NPTN: variants seen among roughly 807,000 people sequenced by gnomAD.
The protein encoded by NPTN is SDR-1.
NPTN carries 5 observed loss-of-function variants against 42.7 expected under a neutral mutation model. That is an observed-to-expected ratio of 0.12 (90% CI 0.06 to 0.25). NPTN has a LOEUF of 0.25. Ranked by LOEUF, NPTN falls within the 10% of genes least tolerant of loss-of-function variation. The pLI is 1.00. For synonymous variants in NPTN, 180 were observed against 201.9 expected, an observed-to-expected ratio of 0.89 and a Z score of 0.92; for missense variants, 307 against 525.4, an observed-to-expected ratio of 0.58 and a Z score of 4.06.
rs1411303076 is a variant in NPTN, at chr15:73,580,471, A to G, written c.707-6676T>C. ...ATATGTATATATACAAAATATATTT[A>G]TATATACATAAATATATATATACAT... On this transcript the variant is annotated intron_variant, in intron 4 of 8. Coordinates refer to ENST00000345330, the MANE Select transcript of NPTN (RefSeq NM_012428.4). Among the ~76,000 whole-genome samples the G allele has an allele frequency of 1.1e-4, 14 of 131,256 alleles. No homozygotes were observed. The Admixed American group carries it at 1.1e-3, about 10-fold the overall frequency. The allele number at this position is 131,256 out of a possible 152,430, so 86.1% of individuals were successfully genotyped here.
At position 73,580,422 on chromosome 15, in the gene NPTN, A is replaced by ATATATAT. The variant is rs1555407984; in HGVS notation, c.707-6634_707-6628dup. ...ATATTATATATATAATATATATATA[A>ATATATAT]TATATATATAATATATATAATATAT... On this transcript the variant is annotated intron_variant, in intron 4 of 8. Coordinates refer to ENST00000345330, the MANE Select transcript of NPTN (RefSeq NM_012428.4). Among the ~76,000 whole-genome samples, 23 of 102,114 alleles carry ATATATAT rather than the reference A, an allele frequency of 2.3e-4. 1 individual carries two copies. The highest frequency in any genetic ancestry group is 6.9e-4 in the Admixed American group (6 of 8,700). The allele number at this position is 102,114 out of a possible 152,430, so 67.0% of individuals were successfully genotyped here.
chr15:73,594,825 G>A (rs1896757535), intron 2 of NPTN, among the ~76,000 whole-genome samples: 1 of 152,050 alleles, frequency 6.6e-6, no homozygotes, highest in Non-Finnish European at 1.5e-5. Context: ...CATACTCAAT[G>A]AGCTTTGGGG....
At chr15:73,575,269 C>T (rs1468003851) in intron 4 of NPTN, among the ~76,000 whole-genome samples, 4 of 152,212 alleles carry the variant, frequency 2.6e-5, no homozygotes, top group Non-Finnish European at 5.9e-5. Context: ...AGGCGTGAGC[C>T]ATCACGCCCG....
At chr15:73,612,345 G>A (rs1302546140) in intron 1 of NPTN, among the ~76,000 whole-genome samples, 1 of 151,026 alleles carries the variant, frequency 6.6e-6, no homozygotes, top group Non-Finnish European at 1.5e-5. Context: ...CCTGGACCCA[G>A]GAGGTCGAAG....
chr15:73,563,178 G>C, intron 7 of NPTN, 58 bp downstream of exon 7: 1 of 1,227,410 alleles, frequency 8.1e-7, no homozygotes, highest in Non-Finnish European at 1.2e-6. Context: ...TGATTAAACT[G>C]CAAACACAAC....
chr15:73,568,618 T>C, intron 6 of NPTN: 1 of 985,418 alleles, frequency 1.0e-6, no homozygotes, highest in South Asian at 4.7e-5. Context: ...TAGGAGTACA[T>C]GAAATCCCAA....
chr15:73,591,926 A>T (rs201245204), intron 3 of NPTN, 40 bp downstream of exon 3: 3 of 1,567,554 alleles, frequency 1.9e-6, no homozygotes, highest in Non-Finnish European at 2.6e-6. Context: ...GCTCAGCCAC[A>T]CTCCCTCCCA....
At chr15:73,609,528 G>A (rs1171391605) in intron 1 of NPTN, among the ~76,000 whole-genome samples, 1 of 152,172 alleles carries the variant, frequency 6.6e-6, no homozygotes, top group Non-Finnish European at 1.5e-5. Context: ...CTACTCGGGT[G>A]GCTGAGGCAG....
chr15:73,594,847 A>G (rs1382967839), intron 2 of NPTN, among the ~76,000 whole-genome samples: 2 of 152,046 alleles, frequency 1.3e-5, no homozygotes, highest in Non-Finnish European at 2.9e-5. Flanking sequence ...AAGTACTACC[A>G]GGAGGTCATT....
intron 1 of NPTN, among the ~76,000 whole-genome samples, chr15:73,616,350 C>A (rs1392916464): frequency 6.6e-6 from 1 of 152,096 alleles, no homozygotes; most frequent in East Asian, 1.9e-4. Flanking sequence ...CTCCCTCTAC[C>A]CCTCAAACAG....
intron 1 of NPTN, among the ~76,000 whole-genome samples, chr15:73,627,694 CAA>C (rs1898491940): frequency 6.6e-6 from 1 of 152,080 alleles, no homozygotes; most frequent in Non-Finnish European, 1.5e-5. Context: ...CAAAAGCAAA[CAA>C]AAGTTAGGCC....
chr15:73,605,846 A>G lies in NPTN; in HGVS notation c.92-8477T>C, dbSNP rs573056293. Among the ~76,000 whole-genome samples, 192 of 152,272 alleles carry G rather than the reference A, an allele frequency of 1.3e-3. 2 individuals are homozygous for G. Among genetic ancestry groups the G allele is most frequent in the African/African-American group, 4.5e-3 (186 of 41,542 alleles). Reference sequence around the variant, plus strand: ...TCCAGGGTTCCTTCCTATGATCCTGAATATCCTCACATGGACTCTTAACAG... The same window carrying G: ...TCCAGGGTTCCTTCCTATGATCCTGGATATCCTCACATGGACTCTTAACAG... On this transcript the variant is annotated intron_variant, in intron 1 of 8. Coordinates refer to ENST00000345330, the MANE Select transcript of NPTN (RefSeq NM_012428.4).
intron 4 of NPTN, among the ~76,000 whole-genome samples, chr15:73,582,728 G>T (rs1896113614): frequency 6.6e-6 from 1 of 152,200 alleles, no homozygotes; most frequent in African/African-American, 2.4e-5. Context: ...AAGACAGGGA[G>T]ATGAGTGGGT....
At chr15:73,613,082 T>C (rs1486937177) in intron 1 of NPTN, among the ~76,000 whole-genome samples, 1 of 152,206 alleles carries the variant, frequency 6.6e-6, no homozygotes, top group Non-Finnish European at 1.5e-5. Flanking sequence ...GGAGGATGTA[T>C]TATGTAAGAT....
intron 1 of NPTN, among the ~76,000 whole-genome samples, chr15:73,612,786 T>C (rs1009544785): frequency 1.3e-5 from 2 of 151,872 alleles, no homozygotes; most frequent in Non-Finnish European, 2.9e-5. Context: ...AATAAATAAA[T>C]AAACAAATCT....
chr15:73,562,246 T>C (rs1449005236), intron 7 of NPTN, among the ~76,000 whole-genome samples: 3 of 152,204 alleles, frequency 2.0e-5, no homozygotes, highest in African/African-American at 4.8e-5. Context: ...ATCCCTAATC[T>C]GAAAATCCAA....
chr15:73,569,681 C>A lies in NPTN; in HGVS notation c.1114+469G>T. On this transcript the variant is annotated intron_variant, in intron 6 of 8. Transcript: ENST00000345330. This position sits in a 1 kb window ranked among gnomAD's most constrained non-coding sequence, Gnocchi z 4.1. The stretch of plus-strand genomic sequence containing the variant: ...CTGGGGCAGTTACCTACAGGGGCTA[C>A]ACCAGGCAACCATGTGACAACCAGT... 2 of 985,464 alleles carry A rather than the reference C, an allele frequency of 2.0e-6. No homozygotes were observed. Among genetic ancestry groups the A allele is most frequent in the Non-Finnish European group, 2.4e-6 (2 of 829,936 alleles). 61.0% of individuals were successfully genotyped at this position (985,464 alleles called of 1,614,324 possible).
chr15:73,604,843 A>C (rs887144839), intron 1 of NPTN, among the ~76,000 whole-genome samples: 1 of 152,198 alleles, frequency 6.6e-6, no homozygotes, highest in East Asian at 1.9e-4. Flanking sequence ...GAATGATCTA[A>C]GGCCAGGCGC....
At chr15:73,576,225 G>C (rs1325852755) in intron 4 of NPTN, among the ~76,000 whole-genome samples, 8 of 152,238 alleles carry the variant, frequency 5.3e-5, no homozygotes, top group Admixed American at 3.3e-4. Flanking sequence ...CACCAGATAT[G>C]TCAGACTGGT....
Sources: gnomAD v4.1 joint callset for allele counts (sites outside exome capture counted in the v4.1 genomes callset) on GRCh38, gnomAD v4.1.1 for gene constraint, Gnocchi (gnomAD v3.1) non-coding constraint, MANE v1.5 for transcripts, NCBI Gene and HGNC (gene_info 2026-07-23, HGNC 2026-07-21) for gene names.